Variants in GALNT13 observed in about 807,000 individuals in gnomAD.
GALNT13 encodes polypeptide N-acetylgalactosaminyltransferase 13, also known as UDP-GalNAc:polypeptide N-acetylgalactosaminyltransferase 13.
A neutral mutation model predicts 64.2 loss-of-function variants in GALNT13; 28 were observed. That is an observed-to-expected ratio of 0.44 (90% confidence interval 0.32 to 0.60). GALNT13 has a LOEUF of 0.60. Among genes scored for constraint, GALNT13 ranks in the 20% least tolerant of loss-of-function variants. The probability of loss-of-function intolerance (pLI) is 0.05; values close to 1 mark genes in which losing one functional copy is unlikely to be tolerated. For synonymous variants in GALNT13, 214 were observed against 224.6 expected, an observed-to-expected ratio of 0.95 and a Z score of 0.42; for missense variants, 577 against 669.8, an observed-to-expected ratio of 0.86 and a Z score of 1.53.
chr2:153,712,648 G>A, the GALNT13 span, among the ~76,000 whole-genome samples: 1 of 152,078 alleles, frequency 6.6e-6, no homozygotes. Context: ...TAGAAAAAAA[G>A]GTCTGCTACT....
At chr2:153,087,014 C>G in the GALNT13 span, among the ~76,000 whole-genome samples, 1 of 152,084 alleles carries the variant, frequency 6.6e-6, no homozygotes, top group African/African-American at 2.4e-5. Context: ...AACTTCTGTA[C>G]TATGTTGAAT....
At chr2:153,627,389 T>C in the GALNT13 span, among the ~76,000 whole-genome samples, 430 of 152,256 alleles carry the variant, frequency 2.8e-3, 8 homozygotes, top group Admixed American at 0.023. Context: ...TAAGTAGATA[T>C]TCTTTTAAAT....
intron 3 of GALNT13, among the ~76,000 whole-genome samples, chr2:154,120,971 A>G (rs2105516458): frequency 6.6e-6 from 1 of 152,244 alleles, no homozygotes; most frequent in South Asian, 2.1e-4. Context: ...AGGTGAATTT[A>G]GCATGGACTT....
At chr2:153,963,879 T>G (rs1316598485) in intron 3 of GALNT13, among the ~76,000 whole-genome samples, 2 of 152,038 alleles carry the variant, frequency 1.3e-5, no homozygotes, top group Non-Finnish European at 2.9e-5. Context: ...CTAAATGAGG[T>G]CTATGAAAGA....
chr2:153,421,586 G>T, the GALNT13 span: 1 of 242,620 alleles, frequency 4.1e-6, no homozygotes, highest in South Asian at 7.4e-5. Context: ...CTGAAGACCT[G>T]TGCACTGGTG....
intron 9 of GALNT13, among the ~76,000 whole-genome samples, chr2:154,382,222 C>A (rs1473610933): frequency 6.6e-6 from 1 of 152,000 alleles, no homozygotes; most frequent in East Asian, 1.9e-4. Context: ...CCAATGATAT[C>A]TTGAAACAAA....
chr2:153,817,853 G>T, the GALNT13 span, among the ~76,000 whole-genome samples: 2 of 152,160 alleles, frequency 1.3e-5, no homozygotes, highest in African/African-American at 4.8e-5. Context: ...AAAACATGGT[G>T]TAACCATAAA....
At chr2:154,043,455 T>TATATATATATATAC (rs1341373277) in intron 3 of GALNT13, among the ~76,000 whole-genome samples, 1 of 105,020 alleles carries the variant, frequency 9.5e-6, no homozygotes, top group African/African-American at 4.0e-5. Context: ...TATATATATA[T>TATATATATATATAC]ACACACATGT....
At chr2:153,951,307 G>A (rs930920259) in intron 3 of GALNT13, among the ~76,000 whole-genome samples, 4 of 152,164 alleles carry the variant, frequency 2.6e-5, no homozygotes, top group African/African-American at 7.2e-5. Context: ...AAGCAAACAG[G>A]ATAAGAGTTG....
chr2:153,325,623 T>C, the GALNT13 span, among the ~76,000 whole-genome samples: 1 of 152,360 alleles, frequency 6.6e-6, no homozygotes, highest in Non-Finnish European at 1.5e-5. Context: ...CACTTTCTCC[T>C]GTGGGCATTT....
intron 12 of GALNT13, chr2:154,446,540 A>C (rs1458460530): frequency 6.6e-7 from 1 of 1,514,676 alleles, no homozygotes; most frequent in South Asian, 1.3e-5. Flanking sequence ...TGATTTTGTC[A>C]TTATTCGTTA....
chr2:153,918,103 A>G (rs1218432872), intron 2 of GALNT13, among the ~76,000 whole-genome samples: 1 of 152,172 alleles, frequency 6.6e-6, no homozygotes, highest in African/African-American at 2.4e-5. Context: ...AAACATGTTA[A>G]CTAGGAGTTC....
intron 4 of GALNT13, among the ~76,000 whole-genome samples, chr2:154,176,378 G>C (rs1032939680): frequency 6.6e-6 from 1 of 151,328 alleles, no homozygotes; most frequent in African/African-American, 2.4e-5. Flanking sequence ...GGGTTCTCCT[G>C]AGTAGCTGGG....
intron 4 of GALNT13, among the ~76,000 whole-genome samples, chr2:154,198,877 A>T (rs530078969): frequency 6.6e-6 from 1 of 152,064 alleles, no homozygotes; most frequent in Non-Finnish European, 1.5e-5. Flanking sequence ...ATACAAATAC[A>T]GTTACTAGAG....
intron 3 of GALNT13, among the ~76,000 whole-genome samples, chr2:153,959,427 A>C (rs1692790809): frequency 6.6e-6 from 1 of 152,240 alleles, no homozygotes; most frequent in Non-Finnish European, 1.5e-5. Flanking sequence ...CGTTTAAAGC[A>C]AATGTAAGAG....
the GALNT13 span, among the ~76,000 whole-genome samples, chr2:153,855,953 TA>T: frequency 1.3e-5 from 2 of 152,186 alleles, no homozygotes; most frequent in Non-Finnish European, 2.9e-5. Flanking sequence ...AACATTATAT[TA>T]AAGAAATCTC....
chr2:153,717,338 A>G, the GALNT13 span, among the ~76,000 whole-genome samples: 1 of 152,316 alleles, frequency 6.6e-6, no homozygotes, highest in African/African-American at 2.4e-5. Flanking sequence ...TTTAGACAAT[A>G]AGTGAAGCAG....
chr2:153,609,202 T>C, the GALNT13 span, among the ~76,000 whole-genome samples: 1 of 152,032 alleles, frequency 6.6e-6, no homozygotes, highest in Non-Finnish European at 1.5e-5. Context: ...GTGCTGCAAT[T>C]ATAGGCATGG....
intron 11 of GALNT13, chr2:154,437,967 A>G (rs1264530776): frequency 5.1e-6 from 1 of 194,416 alleles, no homozygotes; most frequent in Non-Finnish European, 1.1e-5. Flanking sequence ...ATTATCTAAC[A>G]AAGAGTCCAT....
Sources: gnomAD v4.1 joint callset for allele counts (sites outside exome capture counted in the v4.1 genomes callset) on GRCh38, gnomAD v4.1.1 for gene constraint, MANE v1.5 for transcripts, NCBI Gene and HGNC (gene_info 2026-07-23, HGNC 2026-07-21) for gene names.